Variants in PCDHGB3 observed in about 807,000 individuals in gnomAD.
PCDHGB3 encodes protocadherin gamma-B3.
A neutral mutation model predicts 59.2 loss-of-function variants in PCDHGB3; 40 were observed. The ratio of observed to expected loss-of-function variants is 0.68; its 90% CI spans 0.52 to 0.88. PCDHGB3 has a LOEUF of 0.88. PCDHGB3 is among the 40% of genes least tolerant of loss of function. PCDHGB3 has a pLI of 0.00. For missense variants in PCDHGB3, 1,309 were observed against 1,187.9 expected, an observed-to-expected ratio of 1.10 and a Z score of -1.50; for synonymous variants, 581 against 503.6, an observed-to-expected ratio of 1.15 and a Z score of -2.06.
In PCDHGB3 at chr5:141,384,530, G is replaced by T. The variant is rs772652132; in HGVS notation, c.2415+11721G>T. The T allele has an allele frequency of 1.7e-5, 28 of 1,614,238 alleles. No individual in the cohort carries two copies. In the South Asian group the frequency reaches 2.6e-4, roughly 15 times the overall value. On this transcript the variant is annotated intron_variant, in intron 1 of 3. Coordinates refer to ENST00000576222, the MANE Select transcript of PCDHGB3 (RefSeq NM_018924.5). ...GACAGCGGGGACCCGCCTCTCAGCA[G>T]CAACATGTCACTGAGCCTGTTCGTG...
chr5:141,510,852 G>A (rs2099883073), intron 3 of PCDHGB3, 95 bp from the exon 4 acceptor site: 2 of 1,601,096 alleles, frequency 1.2e-6, no homozygotes, highest in Non-Finnish European at 1.7e-6. Flanking sequence ...GGCCCAGGGT[G>A]CTGTATAGGC....
chr5:141,441,762 C>A (rs3805697), intron 1 of PCDHGB3: 10 of 374,012 alleles, frequency 2.7e-5, no homozygotes, highest in Non-Finnish European at 2.2e-5. Flanking sequence ...CGTGAGCCTG[C>A]GCGTGTTGGT....
rs200464357 is a variant in PCDHGB3 at position 141,489,983 on chromosome 5, G to A, written c.2416-4824G>A. 4.5e-5 allele frequency: 73 copies of A among 1,614,172 alleles called. No homozygotes were observed. Among genetic ancestry groups the A allele is most frequent in the Middle Eastern group, 3.3e-4 (2 of 6,062 alleles). ...CCAACCTTCCAATCCTCAGTTCTAC[G>A]TGTGGGAATCCCAGAGAATGCACCC... On this transcript the variant is annotated intron_variant, in intron 1 of 3. Coordinates refer to ENST00000576222, the MANE Select transcript of PCDHGB3 (RefSeq NM_018924.5). This position sits in a 1 kb window ranked among gnomAD's most constrained non-coding sequence, Gnocchi z 4.5.
rs372043756 is a variant in PCDHGB3 at position 141,476,212 on chromosome 5, C to G, written c.2416-18595C>G. ...GTGCCTTGAACAAGGCTTCCACGGT[C>G]ATTCACTATGAGATCCCGGAGGAAA... On this transcript the variant is annotated intron_variant, in intron 1 of 3. Coordinates refer to ENST00000576222, the MANE Select transcript of PCDHGB3 (RefSeq NM_018924.5). The surrounding 1 kb of genome is among the most constrained non-coding windows in gnomAD (Gnocchi z 7.6). 6 of 1,613,932 alleles carry G rather than the reference C, an allele frequency of 3.7e-6. No individual in the cohort carries two copies. The highest frequency in any genetic ancestry group is 5.1e-6 in the Non-Finnish European group (6 of 1,180,012).
Position 141,491,834 on chromosome 5 carries a change from CG to C in PCDHGB3, c.2416-2970del. On this transcript the variant is annotated intron_variant, in intron 1 of 3. Transcript: ENST00000576222. This position sits in a 1 kb window ranked among gnomAD's most constrained non-coding sequence, Gnocchi z 6.9. ...CGCTGGCTGCGCTCCACCCGATTCT[CG>C]GGATCATTGGACCGTTTGCGCGAAA... 1 of 1,473,830 alleles carries C rather than the reference CG, an allele frequency of 6.8e-7. No homozygotes were observed. Among genetic ancestry groups the C allele is most frequent in the Middle Eastern group, 1.8e-4 (1 of 5,590 alleles). The allele number at this position is 1,473,830 out of a possible 1,614,324, so 91.3% of individuals were successfully genotyped here.
Position 141,370,379 on chromosome 5 carries a change from A to G in PCDHGB3, c.-16A>G. On this transcript the variant is annotated 5_prime_UTR_variant, in exon 1 of 4. Transcript: ENST00000576222. Reference sequence around the variant, plus strand: ...CCTCTCCTCGGATTTAGAAAGGCAAAGGCGCAGAGAGCGGGATGGGAAATA... The same window carrying G: ...CCTCTCCTCGGATTTAGAAAGGCAAGGGCGCAGAGAGCGGGATGGGAAATA... 2 of 1,529,484 alleles carry G rather than the reference A, an allele frequency of 1.3e-6. No individual in the cohort carries two copies. Among genetic ancestry groups the G allele is most frequent in the Non-Finnish European group, 1.8e-6 (2 of 1,141,258 alleles). 94.7% of individuals were successfully genotyped at this position (1,529,484 alleles called of 1,614,324 possible).
intron 1 of PCDHGB3, chr5:141,392,432 T>C (rs2092535052): frequency 6.2e-6 from 1 of 160,182 alleles, no homozygotes; most frequent in African/African-American, 2.4e-5. Flanking sequence ...ATTCTTTGGC[T>C]GTTTCTTTTA....
In PCDHGB3 at chr5:141,487,237, T is replaced by A. The variant is rs1327004790; in HGVS notation, c.2416-7570T>A. 1.2e-6 allele frequency: 2 copies of A among 1,614,122 alleles called. No individual in the cohort carries two copies. The highest frequency in any genetic ancestry group is 1.7e-6 in the Non-Finnish European group (2 of 1,179,980). On this transcript the variant is annotated intron_variant, in intron 1 of 3. Coordinates refer to ENST00000576222, the MANE Select transcript of PCDHGB3 (RefSeq NM_018924.5). This position sits in a 1 kb window ranked among gnomAD's most constrained non-coding sequence, Gnocchi z 5.0. ...CAGCTCCAAGGGAAGGAGAATCTCGTCTAACCCTCTACTTGGCTGTGTCCC... is the reference window on the plus strand; with the variant it reads ...CAGCTCCAAGGGAAGGAGAATCTCGACTAACCCTCTACTTGGCTGTGTCCC...
intron 1 of PCDHGB3, chr5:141,394,938 G>A: frequency 6.2e-7 from 1 of 1,613,780 alleles, no homozygotes; most frequent in Non-Finnish European, 8.5e-7. Context: ...CGCCTTTGTC[G>A]CTGTGCTTCT....
chr5:141,489,375 G>T lies in PCDHGB3; in HGVS notation c.2416-5432G>T. 6.2e-7 allele frequency: 1 copy of T among 1,613,826 alleles called. No homozygotes were observed. Among genetic ancestry groups the T allele is most frequent in the Non-Finnish European group, 8.5e-7 (1 of 1,179,724 alleles). On this transcript the variant is annotated intron_variant, in intron 1 of 3. Transcript: ENST00000576222. This position sits in a 1 kb window ranked among gnomAD's most constrained non-coding sequence, Gnocchi z 4.5. ...AGGAGTCTGAGCCGGGGACGCTGGT[G>T]GGGAATGTTGCTCAGGATCTGGGCT...
Position 141,476,598 on chromosome 5 carries a change from A to G in PCDHGB3, c.2416-18209A>G, listed in dbSNP as rs1222456783. The G allele has an allele frequency of 6.2e-7, 1 of 1,614,238 alleles. No homozygotes were observed. Among genetic ancestry groups the G allele is most frequent in the South Asian group, 1.1e-5 (1 of 91,088 alleles). On this transcript the variant is annotated intron_variant, in intron 1 of 3. Transcript: ENST00000576222. This position sits in a 1 kb window ranked among gnomAD's most constrained non-coding sequence, Gnocchi z 7.6. ...CGCTTTCCGCTCGAGAGCGCGCACG[A>G]TCCCGATGTGGGAAGCAACTCTTTA... is the stretch of plus-strand genomic sequence containing the variant.
intron 1 of PCDHGB3, chr5:141,375,958 G>A (rs1002329693): frequency 7.4e-6 from 12 of 1,613,460 alleles, no homozygotes; most frequent in Non-Finnish European, 1.0e-5. Context: ...ACACGGGCGA[G>A]GTGCGCACGG....
At chr5:141,497,203 G>C (rs750138875) in intron 2 of PCDHGB3, among the ~76,000 whole-genome samples, 3 of 91,718 alleles carry the variant, frequency 3.3e-5, no homozygotes, top group African/African-American at 2.8e-4. Flanking sequence ...AACAATGTGA[G>C]TGTAATGGGG....
At chr5:141,484,989 T>C (rs1295192640) in intron 1 of PCDHGB3, 4 of 604,024 alleles carry the variant, frequency 6.6e-6, no homozygotes, top group Non-Finnish European at 1.2e-5. Context: ...AATCGGGTGG[T>C]GAAAGGCAGA....
chr5:141,476,225 A>G lies in PCDHGB3; in HGVS notation c.2416-18582A>G, dbSNP rs1414835001. ...GGCTTCCACGGTCATTCACTATGAG[A>G]TCCCGGAGGAAAGAGAGAAGGGTTT... On this transcript the variant is annotated intron_variant, in intron 1 of 3. Transcript: ENST00000576222. This position sits in a 1 kb window ranked among gnomAD's most constrained non-coding sequence, Gnocchi z 7.6. 3 of 1,613,882 alleles carry G rather than the reference A, an allele frequency of 1.9e-6. No homozygotes were observed. The highest frequency in any genetic ancestry group is 2.5e-6 in the Non-Finnish European group (3 of 1,180,012).
In PCDHGB3 at chr5:141,371,349, G is replaced by T; in HGVS notation, c.955G>T (p.Val319Leu). The change falls in exon 1 of 4, where the codon GTG becomes TTG. Residue 319 changes from valine (V) to leucine (L), a missense_variant. Physicochemically the swap from Val to Leu is conservative, Grantham distance 32 (BLOSUM62 1). Transcript: ENST00000576222. ...FEERDSYTIG[V>L]EAKDGGHHTA... ...AGAGAGAGATAGCTACACAATTGGG[G>T]TGGAAGCAAAGGATGGTGGACATCA... is the stretch of plus-strand genomic sequence containing the variant. The T allele has an allele frequency of 6.2e-7, 1 of 1,614,002 alleles. No individual in the cohort carries two copies. The highest frequency in any genetic ancestry group is 8.5e-7 in the Non-Finnish European group (1 of 1,179,898).
At chr5:141,406,777 C>G (rs1235306644) in intron 1 of PCDHGB3, among the ~76,000 whole-genome samples, 1 of 152,150 alleles carries the variant, frequency 6.6e-6, no homozygotes, top group Non-Finnish European at 1.5e-5. Flanking sequence ...ATTTCTCTCA[C>G]TTATATATTA....
In PCDHGB3 at chr5:141,372,412, C is replaced by T. The variant is rs776836110; in HGVS notation, c.2018C>T (p.Pro673Leu). The change falls in exon 1 of 4, where the codon CCT becomes CTT. Residue 673 changes from proline to leucine, a missense_variant. By Grantham distance (98) the Pro-to-Leu change is moderately conservative (BLOSUM62 -3). Coordinates refer to ENST00000576222, the MANE Select transcript of PCDHGB3 (RefSeq NM_018924.5). ...GCAGATAGCTTGCAAGAGATACAAC[C>T]TGACCTTAGCGACCGCCCCACTCCC... is the stretch of plus-strand genomic sequence containing the variant. ...IFADSLQEIQPDLSDRPTPSD... is the reference protein window; with the variant it reads ...IFADSLQEIQLDLSDRPTPSD... 3.7e-6 allele frequency: 6 copies of T among 1,613,964 alleles called. No homozygotes were observed. Among genetic ancestry groups the T allele is most frequent in the Non-Finnish European group, 5.1e-6 (6 of 1,179,912 alleles).
At position 141,477,744 on chromosome 5, in the gene PCDHGB3, G is replaced by A; in HGVS notation, c.2416-17063G>A. On this transcript the variant is annotated intron_variant, in intron 1 of 3. Coordinates refer to ENST00000576222, the MANE Select transcript of PCDHGB3 (RefSeq NM_018924.5). The surrounding 1 kb of genome is among the most constrained non-coding windows in gnomAD (Gnocchi z 4.9). Reference sequence around the variant, plus strand: ...TTAACAGCTCATATCAGCGATGGGGGCACCCCGGTCCTAGCCACCAACATC... The same window carrying A: ...TTAACAGCTCATATCAGCGATGGGGACACCCCGGTCCTAGCCACCAACATC... 6.2e-7 allele frequency: 1 copy of A among 1,613,778 alleles called. No homozygotes were observed. The highest frequency in any genetic ancestry group is 8.5e-7 in the Non-Finnish European group (1 of 1,180,028).
Sources: gnomAD v4.1 joint callset for allele counts (sites outside exome capture counted in the v4.1 genomes callset) on GRCh38, gnomAD v4.1.1 for gene constraint, Gnocchi (gnomAD v3.1) non-coding constraint, MANE v1.5 for transcripts, NCBI Gene and HGNC (gene_info 2026-07-23, HGNC 2026-07-21) for gene names.